Variants in BCAS3 observed in about 807,000 individuals in gnomAD.
The protein encoded by BCAS3 is BCAS3 microtubule associated cell migration factor.
A neutral mutation model predicts 116.1 loss-of-function variants in BCAS3; 53 were observed. The observed-to-expected ratio is 0.46, with a 90% CI of 0.37 to 0.57. The LOEUF (loss-of-function observed/expected upper bound fraction) is 0.57. Ranked by LOEUF, BCAS3 falls within the 20% of genes least tolerant of loss-of-function variation. The pLI is 0.00. For synonymous variants in BCAS3, 391 were observed against 408.2 expected (o/e 0.96, Z 0.51); for missense variants, 917 against 1,165.4 (o/e 0.79, Z 3.10).
At position 61,007,824 on chromosome 17, in the gene BCAS3, C is replaced by T. The variant is rs1485428643; in HGVS notation, c.1487-7927C>T. Among the ~76,000 whole-genome samples the T allele has an allele frequency of 8.6e-5, 13 of 151,998 alleles. No individual in the cohort carries two copies. The highest frequency in any genetic ancestry group is 3.2e-3 in the Middle Eastern group (1 of 316). On this transcript the variant is annotated intron_variant, in intron 15 of 23. Transcript: ENST00000407086. This position sits in a 1 kb window ranked among gnomAD's most constrained non-coding sequence, Gnocchi z 4.3. The stretch of plus-strand genomic sequence containing the variant: ...GTACCTACAGTAATGTCTATGGTGA[C>T]GTGAACTTTTTACTCAAAGAAAGCA...
intron 22 of BCAS3, among the ~76,000 whole-genome samples, chr17:61,266,191 A>G (rs1470071125): frequency 6.6e-6 from 1 of 152,252 alleles, no homozygotes; most frequent in Non-Finnish European, 1.5e-5. Flanking sequence ...ATTAGCAAAT[A>G]TAGCCTTGTG....
At chr17:60,938,885 A>G (rs1189663214) in intron 13 of BCAS3, among the ~76,000 whole-genome samples, 1 of 152,248 alleles carries the variant, frequency 6.6e-6, no homozygotes, top group East Asian at 1.9e-4. Context: ...GAATACTGGC[A>G]AATTAAAACT....
At chr17:61,284,318 G>A (rs1327058765) in intron 22 of BCAS3, among the ~76,000 whole-genome samples, 2 of 152,140 alleles carry the variant, frequency 1.3e-5, no homozygotes, top group Non-Finnish European at 2.9e-5. Flanking sequence ...TCTTGCTGCT[G>A]CTCACTCTGG....
chr17:60,772,061 G>T (rs1189850898), intron 6 of BCAS3, among the ~76,000 whole-genome samples: 1 of 152,126 alleles, frequency 6.6e-6, no homozygotes, highest in East Asian at 1.9e-4. Flanking sequence ...AATCCTTTGG[G>T]TATATACCCA....
rs1379344316 is a variant in BCAS3, at chr17:61,325,291, A to T, written c.2426-43036A>T. 6.6e-6 allele frequency among the ~76,000 whole-genome samples: 1 copy of T among 152,112 alleles called. No individual in the cohort carries two copies. The highest frequency in any genetic ancestry group is 1.5e-5 in the Non-Finnish European group (1 of 68,012). The stretch of plus-strand genomic sequence containing the variant: ...TAACAACCGTACAAATAGCGCCCTG[A>T]CCTTTTCATATCTGTGGGGCCTGAT... On this transcript the variant is annotated intron_variant, in intron 22 of 23. Coordinates refer to ENST00000407086, the MANE Select transcript of BCAS3 (RefSeq NM_017679.5). The surrounding 1 kb of genome is among the most constrained non-coding windows in gnomAD (Gnocchi z 6.4).
In BCAS3 at chr17:61,372,161, C is replaced by T. The variant is rs190858215; in HGVS notation, c.2593+3667C>T. On this transcript the variant is annotated intron_variant, in intron 23 of 23. Transcript: ENST00000407086. ...GGTGCCTCTACAGATCCATGGTCTCCACTCTCCACTGGAGCCTGCTCTGTG... is the reference window on the plus strand; with the variant it reads ...GGTGCCTCTACAGATCCATGGTCTCTACTCTCCACTGGAGCCTGCTCTGTG... Among the ~76,000 whole-genome samples, 152 of 152,324 alleles carry T rather than the reference C, an allele frequency of 1.0e-3. 1 individual carries two copies. The highest frequency in any genetic ancestry group is 3.5e-3 in the African/African-American group (146 of 41,570).
chr17:60,755,911 C>T (rs1411789323), intron 6 of BCAS3, among the ~76,000 whole-genome samples: 1 of 152,090 alleles, frequency 6.6e-6, no homozygotes, highest in Non-Finnish European at 1.5e-5. Flanking sequence ...GTATCCATCA[C>T]CTGAAGTATT....
intron 22 of BCAS3, among the ~76,000 whole-genome samples, chr17:61,210,446 A>C (rs1409905451): frequency 6.6e-6 from 1 of 152,214 alleles, no homozygotes; most frequent in Admixed American, 6.5e-5. Context: ...CAGAACTCCT[A>C]AAGGAGTAAA....
At chr17:61,202,310 C>T (rs2080886942) in intron 22 of BCAS3, among the ~76,000 whole-genome samples, 1 of 151,412 alleles carries the variant, frequency 6.6e-6, no homozygotes, top group Admixed American at 6.6e-5. Context: ...TTTTTCTCCC[C>T]ATTTTGCGGA....
At chr17:60,981,408 T>G (rs1191302560) in intron 14 of BCAS3, among the ~76,000 whole-genome samples, 3 of 151,668 alleles carry the variant, frequency 2.0e-5, no homozygotes, top group Non-Finnish European at 4.4e-5. Flanking sequence ...TCAGCCTCCC[T>G]AGTAGCTGGG....
intron 22 of BCAS3, among the ~76,000 whole-genome samples, chr17:61,238,567 G>A (rs2083249875): frequency 6.6e-6 from 1 of 152,008 alleles, no homozygotes; most frequent in African/African-American, 2.4e-5. Context: ...GAGATAATCT[G>A]CCCTCATAGC....
At chr17:61,179,838 T>C (rs2079371517) in intron 22 of BCAS3, among the ~76,000 whole-genome samples, 1 of 150,718 alleles carries the variant, frequency 6.6e-6, no homozygotes. Flanking sequence ...ACTAGAAAAC[T>C]ACTGGTAAAA....
chr17:61,225,555 AAAG>A (rs1398501563), intron 22 of BCAS3, among the ~76,000 whole-genome samples: 1 of 152,188 alleles, frequency 6.6e-6, no homozygotes, highest in Non-Finnish European at 1.5e-5. Context: ...AGTGAGGGAC[AAAG>A]AAGAAGGAAA....
chr17:60,742,424 ATC>A (rs2041643188), intron 5 of BCAS3, among the ~76,000 whole-genome samples: 2 of 142,812 alleles, frequency 1.4e-5, no homozygotes, highest in African/African-American at 5.2e-5. Flanking sequence ...TTTCCTTGAC[ATC>A]TTTTTTTTTT....
rs145700910 is a variant in BCAS3, at chr17:61,373,807, TG to T, written c.2593+5314del. Among the ~76,000 whole-genome samples the T allele has an allele frequency of 1.8e-3, 217 of 118,002 alleles. 28 individuals are homozygous for T. Among genetic ancestry groups the T allele is most frequent in the African/African-American group, 5.2e-3 (145 of 27,692 alleles). 77.4% of individuals were successfully genotyped at this position (118,002 alleles called of 152,430 possible). ...CTGCTGTTAACTTCTTCTTCTTCTTTGTTTTTTTTTTTTTTTTTTTTGCTCT... is the reference window on the plus strand; with the variant it reads ...CTGCTGTTAACTTCTTCTTCTTCTTTTTTTTTTTTTTTTTTTTTTTGCTCT... On this transcript the variant is annotated intron_variant, in intron 23 of 23. Coordinates refer to ENST00000407086, the MANE Select transcript of BCAS3 (RefSeq NM_017679.5).
rs1419923800 is a variant in BCAS3, at chr17:61,105,210, C to T, written c.2425+20646C>T. Among the ~76,000 whole-genome samples the T allele has an allele frequency of 1.3e-5, 2 of 152,192 alleles. No homozygotes were observed. Among genetic ancestry groups the T allele is most frequent in the Admixed American group, 6.5e-5 (1 of 15,286 alleles). On this transcript the variant is annotated intron_variant, in intron 22 of 23. Coordinates refer to ENST00000407086, the MANE Select transcript of BCAS3 (RefSeq NM_017679.5). This position sits in a 1 kb window ranked among gnomAD's most constrained non-coding sequence, Gnocchi z 4.3. Reference sequence around the variant, plus strand: ...AGCACATTGGAAAACTGCCTTGCACCAGCCCAGTTTTCCACTCAGGTGGTT... The same window carrying T: ...AGCACATTGGAAAACTGCCTTGCACTAGCCCAGTTTTCCACTCAGGTGGTT...
intron 22 of BCAS3, among the ~76,000 whole-genome samples, chr17:61,146,139 C>T (rs1253234026): frequency 5.5e-5 from 8 of 146,646 alleles, no homozygotes; most frequent in Non-Finnish European, 1.0e-4. Flanking sequence ...GACAGTTTCA[C>T]GCTGTGGCCC....
At position 61,012,977 on chromosome 17, in the gene BCAS3, A is replaced by G. The variant is rs1020526953; in HGVS notation, c.1487-2774A>G. On this transcript the variant is annotated intron_variant, in intron 15 of 23. Coordinates refer to ENST00000407086, the MANE Select transcript of BCAS3 (RefSeq NM_017679.5). This position sits in a 1 kb window ranked among gnomAD's most constrained non-coding sequence, Gnocchi z 4.5. ...CTAAAACTGAAATATTTTATCTGCC[A>G]TAGTTAGAGATTCCTCACTACTCCT... Among the ~76,000 whole-genome samples, 12 of 152,068 alleles carry G rather than the reference A, an allele frequency of 7.9e-5. No individual in the cohort carries two copies. The highest frequency in any genetic ancestry group is 2.7e-4 in the African/African-American group (11 of 41,432).
Position 61,077,467 on chromosome 17 carries a change from A to C in BCAS3, c.2131-866A>C, listed in dbSNP as rs1350844437. Among the ~76,000 whole-genome samples, 4 of 152,196 alleles carry C rather than the reference A, an allele frequency of 2.6e-5. No individual in the cohort carries two copies. Among genetic ancestry groups the C allele is most frequent in the Non-Finnish European group, 5.9e-5 (4 of 68,036 alleles). ...AGGAGGCGGAGCTTGCAGTGAGCGG[A>C]GATCACGCCACTGCACTCCAGTCTG... On this transcript the variant is annotated intron_variant, in intron 20 of 23. Coordinates refer to ENST00000407086, the MANE Select transcript of BCAS3 (RefSeq NM_017679.5). This position sits in a 1 kb window ranked among gnomAD's most constrained non-coding sequence, Gnocchi z 4.3.
Sources: gnomAD v4.1 joint callset for allele counts (sites outside exome capture counted in the v4.1 genomes callset) on GRCh38, gnomAD v4.1.1 for gene constraint, Gnocchi (gnomAD v3.1) non-coding constraint, MANE v1.5 for transcripts, NCBI Gene and HGNC (gene_info 2026-07-23, HGNC 2026-07-21) for gene names.